SZT2: variants seen among roughly 807,000 people sequenced by gnomAD.
The protein encoded by SZT2 is KICSTOR complex protein SZT2.
A neutral mutation model predicts 404.2 loss-of-function variants in SZT2; 216 were observed. The ratio of observed to expected loss-of-function variants is 0.53; its 90% CI spans 0.48 to 0.60. The LOEUF (loss-of-function observed/expected upper bound fraction) is 0.60, where lower values mean the gene tolerates loss of function less well. SZT2 is among the 20% of genes least tolerant of loss of function. The pLI is 0.00. For missense variants in SZT2, 3,857 were observed against 4,459.2 expected (o/e 0.86, Z 3.85); for synonymous variants, 1,693 against 1,749.9 (o/e 0.97, Z 0.81).
chr1:43,450,964 G>A lies in SZT2; in HGVS notation c.*484G>A, dbSNP rs760251702. 5 of 762,080 alleles carry A rather than the reference G, an allele frequency of 6.6e-6. No homozygotes were observed. The Admixed American group carries it at 8.5e-5, about 13-fold the overall frequency. The allele number at this position is 762,080 out of a possible 1,614,324, so 47.2% of individuals were successfully genotyped here. On this transcript the variant is annotated 3_prime_UTR_variant, in exon 72 of 72. Coordinates refer to ENST00000634258, the MANE Select transcript of SZT2 (RefSeq NM_001365999.1). The surrounding 1 kb of genome is among the most constrained non-coding windows in gnomAD (Gnocchi z 4.3). Reference sequence around the variant, plus strand: ...TTCCAATCCCAGCTCTGCCTTTGAAGCACTTGTGGCCACCGTCAAGTCCCT... The same window carrying A: ...TTCCAATCCCAGCTCTGCCTTTGAAACACTTGTGGCCACCGTCAAGTCCCT...
At chr1:43,433,611 G>A (rs999288877) in intron 40 of SZT2, among the ~76,000 whole-genome samples, 5 of 152,114 alleles carry the variant, frequency 3.3e-5, no homozygotes, top group Non-Finnish European at 7.4e-5. Flanking sequence ...GTGAAACCCC[G>A]TCTCCATTAA....
intron 65 of SZT2, 27 bp downstream of exon 65, chr1:43,446,443 C>A (rs1222504334): frequency 7.4e-6 from 12 of 1,613,624 alleles, no homozygotes; most frequent in South Asian, 1.1e-5. Flanking sequence ...CGGGCACAGT[C>A]AGTGCACCCC....
Position 43,437,720 on chromosome 1 carries a change from T to C in SZT2, c.6396+20T>C. The C allele has an allele frequency of 6.2e-7, 1 of 1,614,084 alleles. No individual in the cohort carries two copies. The highest frequency in any genetic ancestry group is 2.2e-5 in the East Asian group (1 of 44,852). ...GCCTCGGCATGTATCACTCCCACTC[T>C]CTGATGCCCCTGTGTTCCTCTTGCA... On this transcript the variant is annotated intron_variant, in intron 45 of 71. Coordinates refer to ENST00000634258, the MANE Select transcript of SZT2 (RefSeq NM_001365999.1). The surrounding 1 kb of genome is among the most constrained non-coding windows in gnomAD (Gnocchi z 5.3).
Position 43,422,786 on chromosome 1 carries a change from C to T in SZT2, c.1940C>T (p.Pro647Leu). 1 of 1,590,360 alleles carries T rather than the reference C, an allele frequency of 6.3e-7. No homozygotes were observed. Among genetic ancestry groups the T allele is most frequent in the Non-Finnish European group, 8.5e-7 (1 of 1,176,264 alleles). ...KLLSSAPDQP[P>L]NSFYMVRIIS... The stretch of plus-strand genomic sequence containing the variant: ...CTCCCCAGTGCCCCAGACCAGCCCC[C>T]CAATTCCTTCTACATGGTCCGTATC... The change falls in exon 14 of 72, where the codon CCC becomes CTC. Residue 647 changes from proline (P) to leucine (L), a missense_variant. Transcript: ENST00000634258.
At chr1:43,438,166 G>A (rs943680435) in intron 46 of SZT2, 13 of 453,280 alleles carry the variant, frequency 2.9e-5, no homozygotes, top group South Asian at 2.2e-4. Context: ...AGCTGCATGG[G>A]AAGGGACTGG....
Position 43,423,281 on chromosome 1 carries a change from G to A in SZT2, c.2220G>A (p.Val740=), listed in dbSNP as rs576623885. Reference sequence around the variant, plus strand: ...CCCTGTCTGACCGGCCCTGCCTTGTGGTCCTGCATAAGCCACTGGACAAAC... The same window carrying A: ...CCCTGTCTGACCGGCCCTGCCTTGTAGTCCTGCATAAGCCACTGGACAAAC... The part of the protein sequence containing the change: ...QQALSDRPCL[V]VLHKPLDKLL... The change falls in exon 15 of 72, where the codon GTG becomes GTA. Residue 740 remains valine (V), a synonymous_variant. Transcript: ENST00000634258. The A allele has an allele frequency of 1.0e-5, 16 of 1,560,022 alleles. No homozygotes were observed. Among genetic ancestry groups the A allele is most frequent in the Admixed American group, 1.8e-5 (1 of 55,370 alleles).
rs922251252 is a variant in SZT2 at position 43,435,335 on chromosome 1, A to G, written c.6034+6A>G. On this transcript the variant is annotated splice_donor_region_variant and intron_variant, in intron 42 of 71. Transcript: ENST00000634258. ...GGCACCACTGCCCAGTGATGGTGAG[A>G]TCCCACCCAGGAGCCTCCCTCACAA... 1.9e-6 allele frequency: 3 copies of G among 1,613,786 alleles called. No homozygotes were observed. Among genetic ancestry groups the G allele is most frequent in the Admixed American group, 1.7e-5 (1 of 59,990 alleles).
At position 43,437,400 on chromosome 1, in the gene SZT2, C is replaced by T. The variant is rs1654570070; in HGVS notation, c.6188-6C>T. 2 of 1,613,954 alleles carry T rather than the reference C, an allele frequency of 1.2e-6. No homozygotes were observed. The highest frequency in any genetic ancestry group is 3.3e-5 in the Admixed American group (2 of 59,990). Reference sequence around the variant, plus strand: ...GCAGTTTCCTGAGCCCATGTTATTCCCCCAGCCATCCAGGCCCTGCGCTCT... The same window carrying T: ...GCAGTTTCCTGAGCCCATGTTATTCTCCCAGCCATCCAGGCCCTGCGCTCT... On this transcript the variant is annotated splice_region_variant and splice_polypyrimidine_tract_variant and intron_variant, in intron 43 of 71. Coordinates refer to ENST00000634258, the MANE Select transcript of SZT2 (RefSeq NM_001365999.1). This position sits in a 1 kb window ranked among gnomAD's most constrained non-coding sequence, Gnocchi z 5.3.
In SZT2 at chr1:43,424,323, T is replaced by C; in HGVS notation, c.2362T>C (p.Ser788Pro). 2 of 1,598,090 alleles carry C rather than the reference T, an allele frequency of 1.3e-6. No individual in the cohort carries two copies. Among genetic ancestry groups the C allele is most frequent in the Non-Finnish European group, 1.7e-6 (2 of 1,179,608 alleles). The change falls in exon 16 of 72, where the codon TCA becomes CCA. Residue 788 changes from serine (S) to proline (P), a missense_variant. Transcript: ENST00000634258. The surrounding 1 kb of genome is among the most constrained non-coding windows in gnomAD (Gnocchi z 4.1). ...SGRSASSSLA[S>P]LSRYLYHQRW... ...CCGCTCAGCCTCTTCTAGCCTGGCG[T>C]CACTGTCCCGCTACCTCTACCATCA...
rs1486824755 is a variant in SZT2 at position 43,420,859 on chromosome 1, C to T, written c.1372C>T (p.Arg458Trp). ...PLEPEGPRVT[R>W]VEVTMEGGYD... ...GGAGCCTGAGGGCCCTCGAGTAACA[C>T]GGGTGGAAGTGACGATGGAAGGCGG... The change falls in exon 10 of 72, where the codon CGG becomes TGG. Residue 458 changes from arginine (R) to tryptophan (W), a missense_variant. Coordinates refer to ENST00000634258, the MANE Select transcript of SZT2 (RefSeq NM_001365999.1). This position sits in a 1 kb window ranked among gnomAD's most constrained non-coding sequence, Gnocchi z 5.1. 4.4e-6 allele frequency: 7 copies of T among 1,598,408 alleles called. No homozygotes were observed. The highest frequency in any genetic ancestry group is 4.2e-6 in the Non-Finnish European group (5 of 1,179,812).
Position 43,448,254 on chromosome 1 carries a change from C to G in SZT2, c.9739C>G (p.Leu3247Val), listed in dbSNP as rs775221456. ...GLILAPGPAP[L>V]FPPLAAEVGM... ...TATTCTAGCGCCTGGACCGGCTCCTCTGTTCCCACCACTGGCTGCAGAGGT... is the reference window on the plus strand; with the variant it reads ...TATTCTAGCGCCTGGACCGGCTCCTGTGTTCCCACCACTGGCTGCAGAGGT... The change falls in exon 69 of 72, where the codon CTG (leucine) becomes GTG (valine). Residue 3247 changes from leucine (L) to valine (V), a missense_variant. Leu to Val is a conservative substitution (Grantham distance 32). Around this residue, in one of 7 missense-constraint regions of SZT2, gnomAD observed 717 missense variants for 868.2 expected, o/e 0.83. Coordinates refer to ENST00000634258, the MANE Select transcript of SZT2 (RefSeq NM_001365999.1). This position sits in a 1 kb window ranked among gnomAD's most constrained non-coding sequence, Gnocchi z 4.2. The G allele has an allele frequency of 1.5e-5, 24 of 1,581,232 alleles. No individual in the cohort carries two copies. The highest frequency in any genetic ancestry group is 2.1e-5 in the Non-Finnish European group (24 of 1,164,106).
At chr1:43,436,568 G>C (rs1006663161) in intron 42 of SZT2, 1 of 153,144 alleles carries the variant, frequency 6.5e-6, no homozygotes, top group Non-Finnish European at 1.5e-5. Flanking sequence ...CCTGTGTGCT[G>C]TTCACACTTG....
chr1:43,423,279 G>T lies in SZT2; in HGVS notation c.2218G>T (p.Val740Leu). ...GGCCCTGTCTGACCGGCCCTGCCTTGTGGTCCTGCATAAGCCACTGGACAA... is the reference window on the plus strand; with the variant it reads ...GGCCCTGTCTGACCGGCCCTGCCTTTTGGTCCTGCATAAGCCACTGGACAA... Reference protein sequence around the residue: ...QQALSDRPCLVVLHKPLDKLL... With the variant: ...QQALSDRPCLLVLHKPLDKLL... The change falls in exon 15 of 72, where the codon GTG (valine) becomes TTG (leucine). Residue 740 changes from valine (V) to leucine (L), a missense_variant. Val to Leu is a conservative substitution (Grantham distance 32, BLOSUM62 1). Coordinates refer to ENST00000634258, the MANE Select transcript of SZT2 (RefSeq NM_001365999.1). 1 of 1,563,632 alleles carries T rather than the reference G, an allele frequency of 6.4e-7. No individual in the cohort carries two copies.
intron 34 of SZT2, 25 bp downstream of exon 34, chr1:43,431,397 G>A: frequency 1.2e-6 from 2 of 1,613,152 alleles, no homozygotes; most frequent in South Asian, 1.1e-5. Flanking sequence ...CCCTGTCAGA[G>A]TTCATTACTG....
chr1:43,440,970 C>G (rs1468037364), intron 52 of SZT2, among the ~76,000 whole-genome samples: 1 of 152,214 alleles, frequency 6.6e-6, no homozygotes, highest in Non-Finnish European at 1.5e-5. Flanking sequence ...TATGTGCCTT[C>G]ACTTCCATTT....
intron 5 of SZT2, 37 bp from the exon 6 acceptor site, chr1:43,415,923 A>T (rs1445746173): frequency 1.3e-6 from 2 of 1,576,818 alleles, no homozygotes; most frequent in Non-Finnish European, 8.6e-7. Context: ...CAGCAATGCC[A>T]TCTGCCCCAT....
rs1656047580 is a variant in SZT2 at position 43,448,998 on chromosome 1, A to C, written c.10086+270A>C. 1 of 433,754 alleles carries C rather than the reference A, an allele frequency of 2.3e-6. No homozygotes were observed. Among genetic ancestry groups the C allele is most frequent in the South Asian group, 3.1e-5 (1 of 32,150 alleles). The allele number at this position is 433,754 out of a possible 1,614,324, so 26.9% of individuals were successfully genotyped here. On this transcript the variant is annotated intron_variant, in intron 70 of 71. Transcript: ENST00000634258. This position sits in a 1 kb window ranked among gnomAD's most constrained non-coding sequence, Gnocchi z 4.2. Reference sequence around the variant, plus strand: ...AGGCTCTGGAACTGACAACCCAAGGAGCTGTCAGAACTTTGTCAGTAGGCT... The same window carrying C: ...AGGCTCTGGAACTGACAACCCAAGGCGCTGTCAGAACTTTGTCAGTAGGCT...
chr1:43,419,908 C>T lies in SZT2; in HGVS notation c.1054C>T (p.Arg352Cys), dbSNP rs756098777. 4.4e-6 allele frequency: 7 copies of T among 1,598,360 alleles called. No homozygotes were observed. The highest frequency in any genetic ancestry group is 1.1e-5 in the South Asian group (1 of 91,078). Residue 352 changes from arginine (R) to cysteine (C), a missense_variant, in exon 8 of 72, where the codon CGC becomes TGC. Physicochemically the swap from Arg to Cys is radical, Grantham distance 180. Around this residue, in one of 7 missense-constraint regions of SZT2, gnomAD observed 536 missense variants for 637.4 expected, o/e 0.84. Coordinates refer to ENST00000634258, the MANE Select transcript of SZT2 (RefSeq NM_001365999.1). ...GGCATTTCTCCTCTATTCCTTCCTG[C>T]GCAGTGGGGAAGCACTGAACCCTGA... ...HRAFLLYSFL[R>C]SGEALNPEYY... is the part of the protein sequence containing the mutation.
At chr1:43,421,064 C>T (rs1274552079) in intron 10 of SZT2, 81 bp downstream of exon 10, 8 of 1,591,600 alleles carry the variant, frequency 5.0e-6, no homozygotes, top group South Asian at 1.1e-5. Flanking sequence ...AGCTGGGGAG[C>T]ATCACCCAGA....
Sources: gnomAD v4.1 joint callset for allele counts (sites outside exome capture counted in the v4.1 genomes callset) on GRCh38, gnomAD v4.1.1 for gene constraint, gnomAD v4.1.1 regional missense constraint, Gnocchi (gnomAD v3.1) non-coding constraint, MANE v1.5 for transcripts, NCBI Gene and HGNC (gene_info 2026-07-23, HGNC 2026-07-21) for gene names.